SMC1B: variants seen among roughly 807,000 people sequenced by gnomAD.
SMC1B encodes the protein structural maintenance of chromosomes 1B.
A neutral mutation model predicts 157.9 loss-of-function variants in SMC1B; 60 were observed. That is an observed-to-expected ratio of 0.38 (90% CI 0.31 to 0.47). SMC1B has a LOEUF of 0.47. Ranked by LOEUF, SMC1B falls within the 20% of genes least tolerant of loss-of-function variation. SMC1B has a pLI of 0.99. For missense variants in SMC1B, 1,165 were observed against 1,426.2 expected, an observed-to-expected ratio of 0.82 and a Z score of 2.95; for synonymous variants, 445 against 483.0, an observed-to-expected ratio of 0.92 and a Z score of 1.03.
At chr22:45,389,567 T>TTAA (rs1450153424) in intron 10 of SMC1B, 145 bp downstream of exon 10, 1 of 646,856 alleles carries the variant, frequency 1.5e-6, no homozygotes. Flanking sequence ...GCCAATATAT[T>TTAA]TAACACCAGC....
intron 23 of SMC1B, among the ~76,000 whole-genome samples, chr22:45,346,170 A>G (rs1014703689): frequency 6.7e-6 from 1 of 149,422 alleles, no homozygotes; most frequent in African/African-American, 2.5e-5. Context: ...GTGCCACTGC[A>G]CTCCAGGCTG....
chr22:45,358,689 T>C lies in SMC1B; in HGVS notation c.2961+8A>G. 1 of 1,544,562 alleles carries C rather than the reference T, an allele frequency of 6.5e-7. No homozygotes were observed. Among genetic ancestry groups the C allele is most frequent in the Admixed American group, 1.7e-5 (1 of 57,430 alleles). On this transcript the variant is annotated splice_region_variant and intron_variant, in intron 19 of 24. Coordinates refer to ENST00000357450, the MANE Select transcript of SMC1B (RefSeq NM_148674.5). ...GTGAGTGATAAACAACAGAAAGCTT[T>C]CCATTACCTTCAAATCCTCTTTTAG...
At chr22:45,398,082 G>A (rs2087146623) in intron 6 of SMC1B, among the ~76,000 whole-genome samples, 1 of 152,190 alleles carries the variant, frequency 6.6e-6, no homozygotes, top group Non-Finnish European at 1.5e-5. Flanking sequence ...TGGGTCAAGA[G>A]GCTGACAGAG....
chr22:45,357,907 C>A (rs1218045763), intron 19 of SMC1B, among the ~76,000 whole-genome samples: 1 of 152,152 alleles, frequency 6.6e-6, no homozygotes, highest in Non-Finnish European at 1.5e-5. Flanking sequence ...AGGATGGGGA[C>A]TATTGCAAGA....
chr22:45,375,909 T>C (rs1445230299), intron 12 of SMC1B, among the ~76,000 whole-genome samples: 1 of 152,200 alleles, frequency 6.6e-6, no homozygotes, highest in Non-Finnish European at 1.5e-5. Context: ...ATATATTTTA[T>C]ATTAAAGTTA....
chr22:45,362,505 C>T (rs1481304759), intron 16 of SMC1B, among the ~76,000 whole-genome samples: 1 of 152,144 alleles, frequency 6.6e-6, no homozygotes, highest in Non-Finnish European at 1.5e-5. Context: ...TCCCATAAAC[C>T]AGCAACTCCC....
At chr22:45,412,378 T>G (rs2087349757) in intron 1 of SMC1B, among the ~76,000 whole-genome samples, 2 of 148,130 alleles carry the variant, frequency 1.4e-5, no homozygotes, top group Non-Finnish European at 3.0e-5. Flanking sequence ...TTTTTGTATT[T>G]TTAGTAGAGA....
intron 17 of SMC1B, 98 bp from the exon 18 acceptor site, chr22:45,360,056 T>A: frequency 1.1e-6 from 1 of 896,204 alleles, no homozygotes; most frequent in Non-Finnish European, 1.7e-6. Flanking sequence ...AAAAAAGAAT[T>A]ATTTATTCCT....
chr22:45,411,735 C>A lies in SMC1B; in HGVS notation c.109+1724G>T, dbSNP rs536169057. Among the ~76,000 whole-genome samples the A allele has an allele frequency of 1.3e-4, 19 of 150,308 alleles. No homozygotes were observed. The South Asian group carries it at 3.8e-3, about 30-fold the overall frequency. On this transcript the variant is annotated intron_variant, in intron 1 of 24. Transcript: ENST00000357450. ...CTGAGTAGCTGGGACTACAGGCGTGCGCCACCACGCCAGGCTTTTTTGTAT... is the reference window on the plus strand; with the variant it reads ...CTGAGTAGCTGGGACTACAGGCGTGAGCCACCACGCCAGGCTTTTTTGTAT...
At chr22:45,412,488 C>A (rs1226488887) in intron 1 of SMC1B, among the ~76,000 whole-genome samples, 1 of 145,932 alleles carries the variant, frequency 6.9e-6, no homozygotes, top group Non-Finnish European at 1.5e-5. Flanking sequence ...TGTGAGCCAC[C>A]GCGCCCAGCC....
At chr22:45,381,834 T>G (rs1220400951) in intron 12 of SMC1B, among the ~76,000 whole-genome samples, 2 of 152,190 alleles carry the variant, frequency 1.3e-5, no homozygotes, top group Non-Finnish European at 2.9e-5. Context: ...AGTCTTATGC[T>G]TCAGAAAAAG....
intron 12 of SMC1B, among the ~76,000 whole-genome samples, chr22:45,377,536 G>C (rs2086894725): frequency 1.3e-5 from 2 of 151,760 alleles, no homozygotes; most frequent in Non-Finnish European, 2.9e-5. Context: ...TACTCGGCAG[G>C]CTGAGGCAGG....
At chr22:45,365,455 G>A (rs2086766522) in intron 15 of SMC1B, among the ~76,000 whole-genome samples, 1 of 152,106 alleles carries the variant, frequency 6.6e-6, no homozygotes, top group Non-Finnish European at 1.5e-5. Context: ...TGTAATCCCG[G>A]GCACTTTGGA....
intron 12 of SMC1B, among the ~76,000 whole-genome samples, chr22:45,374,500 T>C (rs964185202): frequency 6.6e-6 from 1 of 152,200 alleles, no homozygotes; most frequent in East Asian, 1.9e-4. Flanking sequence ...CAAAAACTAG[T>C]ACACCTGTTG....
intron 23 of SMC1B, among the ~76,000 whole-genome samples, chr22:45,346,468 A>C (rs2086553148): frequency 6.6e-6 from 1 of 152,186 alleles, no homozygotes; most frequent in Admixed American, 6.5e-5. Context: ...AACTACCAAC[A>C]GTCTAACAAA....
intron 12 of SMC1B, among the ~76,000 whole-genome samples, chr22:45,374,558 C>T (rs1182032189): frequency 6.6e-6 from 1 of 152,122 alleles, no homozygotes; most frequent in East Asian, 1.9e-4. Context: ...CAGTTTGGAC[C>T]AAATTCTAAT....
chr22:45,351,497 G>C (rs1206921222), intron 22 of SMC1B, among the ~76,000 whole-genome samples: 3 of 152,146 alleles, frequency 2.0e-5, no homozygotes, highest in Non-Finnish European at 2.9e-5. Flanking sequence ...GTATGTTTTT[G>C]TTCCTGGTCA....
intron 4 of SMC1B, among the ~76,000 whole-genome samples, chr22:45,405,203 A>G (rs1448848434): frequency 6.6e-6 from 1 of 152,214 alleles, no homozygotes; most frequent in East Asian, 1.9e-4. Context: ...TCAAGGTGGT[A>G]GCAAAGCATA....
intron 17 of SMC1B, among the ~76,000 whole-genome samples, chr22:45,360,428 T>C (rs1352677108): frequency 6.6e-6 from 1 of 151,686 alleles, no homozygotes; most frequent in Non-Finnish European, 1.5e-5. Flanking sequence ...TAAAGGAACC[T>C]GGAAAAAGGA....
Sources: allele counts gnomAD v4.1 joint callset (sites outside exome capture counted in the v4.1 genomes callset), GRCh38; gene constraint gnomAD v4.1.1; transcripts MANE v1.5; gene names NCBI Gene and HGNC (gene_info 2026-07-23, HGNC 2026-07-21).